Variants in TTLL5 observed in about 807,000 individuals in gnomAD.
The protein encoded by TTLL5 is tubulin tyrosine ligase like 5.
TTLL5 carries 132 observed loss-of-function variants against 168.4 expected under a neutral mutation model. The ratio of observed to expected loss-of-function variants is 0.78; its 90% CI spans 0.68 to 0.91. The LOEUF (loss-of-function observed/expected upper bound fraction) is 0.91, where lower values mean the gene tolerates loss of function less well. Ranked by LOEUF, TTLL5 falls within the 40% of genes least tolerant of loss-of-function variation. TTLL5 has a pLI of 0.00. For synonymous variants in TTLL5, 546 were observed against 558.6 expected (o/e 0.98, Z 0.32); for missense variants, 1,545 against 1,581.5 (o/e 0.98, Z 0.39).
intron 27 of TTLL5, among the ~76,000 whole-genome samples, chr14:75,799,959 T>C (rs1893193749): frequency 6.6e-6 from 1 of 152,240 alleles, no homozygotes; most frequent in Admixed American, 6.5e-5. Context: ...ATTATCTTTT[T>C]GCGATGAATT....
chr14:75,912,634 G>T (rs999226276), intron 31 of TTLL5, among the ~76,000 whole-genome samples: 1 of 152,132 alleles, frequency 6.6e-6, no homozygotes, highest in Non-Finnish European at 1.5e-5. Flanking sequence ...TGATAAATTG[G>T]AGTATATAGT....
At chr14:75,781,980 A>G (rs919598666) in intron 24 of TTLL5, among the ~76,000 whole-genome samples, 1 of 132,324 alleles carries the variant, frequency 7.6e-6, no homozygotes, top group South Asian at 2.4e-4. Flanking sequence ...AAAAAAAAAA[A>G]GCTGAGGAGT....
intron 26 of TTLL5, among the ~76,000 whole-genome samples, chr14:75,783,731 TTC>T (rs1198808183): frequency 1.3e-5 from 2 of 152,200 alleles, no homozygotes; most frequent in African/African-American, 4.8e-5. Context: ...GAAACAGGAC[TTC>T]TTTTAGGTAC....
intron 3 of TTLL5, among the ~76,000 whole-genome samples, chr14:75,677,979 A>G (rs1007746006): frequency 2.6e-5 from 4 of 151,258 alleles, no homozygotes; most frequent in African/African-American, 7.3e-5. Flanking sequence ...ACTGTTCTCT[A>G]TTTTCTCACA....
At chr14:75,809,811 A>G (rs1445092324) in intron 27 of TTLL5, among the ~76,000 whole-genome samples, 1 of 152,140 alleles carries the variant, frequency 6.6e-6, no homozygotes, top group Non-Finnish European at 1.5e-5. Context: ...GAGTGAGAAC[A>G]TGCAATTTTT....
In TTLL5 at chr14:75,890,715, T is replaced by C. The variant is rs560150683; in HGVS notation, c.3740+7813T>C. Among the ~76,000 whole-genome samples the C allele has an allele frequency of 1.4e-4, 22 of 152,176 alleles. No homozygotes were observed. In the East Asian group the frequency reaches 4.2e-3, roughly 29 times the overall value. On this transcript the variant is annotated intron_variant, in intron 30 of 31. Transcript: ENST00000298832. ...TTCAAACTATTTTTCTGAAATCTTT[T>C]TTGTTTTTGTTTTTGTTTTTTTGAG...
intron 7 of TTLL5, among the ~76,000 whole-genome samples, chr14:75,702,610 G>A (rs1594894893): frequency 6.6e-6 from 1 of 152,074 alleles, no homozygotes; most frequent in Admixed American, 6.5e-5. Context: ...TGGTGGAGCC[G>A]AGAACCCTGC....
chr14:75,896,877 A>G (rs1189071918), intron 30 of TTLL5, among the ~76,000 whole-genome samples: 3 of 152,194 alleles, frequency 2.0e-5, no homozygotes, highest in Non-Finnish European at 4.4e-5. Context: ...ACTGGGTTTT[A>G]TGTATAAATA....
intron 3 of TTLL5, 22 bp from the exon 4 acceptor site, chr14:75,681,523 A>G (rs1884610592): frequency 2.5e-6 from 4 of 1,607,284 alleles, no homozygotes; most frequent in Non-Finnish European, 3.4e-6. Context: ...TAGTTACTGA[A>G]CTTGATTCTG....
intron 3 of TTLL5, among the ~76,000 whole-genome samples, chr14:75,672,757 C>A (rs150336759): frequency 0.014 from 2,195 of 152,098 alleles, 46 homozygotes; most frequent in African/African-American, 0.05. Flanking sequence ...AGGTATTTGT[C>A]CATTTTATTT....
intron 3 of TTLL5, among the ~76,000 whole-genome samples, chr14:75,670,332 CTG>C (rs932158370): frequency 1.3e-5 from 2 of 152,150 alleles, no homozygotes; most frequent in African/African-American, 2.4e-5. Context: ...GCATAATCCA[CTG>C]TGTCTGGCCT....
intron 18 of TTLL5, among the ~76,000 whole-genome samples, chr14:75,758,692 A>G: frequency 6.6e-6 from 1 of 152,176 alleles, no homozygotes; most frequent in East Asian, 1.9e-4. Context: ...AAGGATTAAA[A>G]TGATACAGAG....
intron 31 of TTLL5, among the ~76,000 whole-genome samples, chr14:75,911,749 G>A (rs1040982592): frequency 6.6e-6 from 1 of 152,186 alleles, no homozygotes; most frequent in Non-Finnish European, 1.5e-5. Context: ...TTTTTAATCA[G>A]ATACTGGAAT....
chr14:75,737,568 T>C (rs1333456795), intron 15 of TTLL5: 1 of 1,535,670 alleles, frequency 6.5e-7, no homozygotes, highest in South Asian at 1.2e-5. Flanking sequence ...TTTTATAGCG[T>C]CCAGTATCTG....
chr14:75,755,887 C>T (rs904407198), intron 18 of TTLL5, among the ~76,000 whole-genome samples: 8 of 152,156 alleles, frequency 5.3e-5, no homozygotes, highest in East Asian at 1.9e-4. Flanking sequence ...GACTCCTCCC[C>T]GACCTACCCA....
intron 28 of TTLL5, among the ~76,000 whole-genome samples, chr14:75,850,224 T>C (rs997685140): frequency 4.6e-5 from 7 of 151,588 alleles, no homozygotes; most frequent in Middle Eastern, 3.5e-3. Flanking sequence ...CTGACCAAAA[T>C]GGAGAAACCC....
At chr14:75,840,228 C>T (rs975604661) in intron 28 of TTLL5, among the ~76,000 whole-genome samples, 1 of 152,148 alleles carries the variant, frequency 6.6e-6, no homozygotes, top group East Asian at 1.9e-4. Context: ...CAGACACAGT[C>T]ATTTTTTATA....
At chr14:75,768,120 T>G (rs1455736980) in intron 20 of TTLL5, among the ~76,000 whole-genome samples, 2 of 152,190 alleles carry the variant, frequency 1.3e-5, no homozygotes, top group Non-Finnish European at 2.9e-5. Context: ...ATGGATAAGA[T>G]TGTTCACAAA....
chr14:75,773,957 A>AGAGAGAGAGAGAG (rs1891536422), intron 21 of TTLL5, among the ~76,000 whole-genome samples: 5 of 43,326 alleles, frequency 1.2e-4, no homozygotes, highest in African/African-American at 1.6e-4. Flanking sequence ...GAGAGAGAGA[A>AGAGAGAGAGAGAG]AGAGAGAGAG....
Sources: gnomAD v4.1 joint callset for allele counts (sites outside exome capture counted in the v4.1 genomes callset) on GRCh38, gnomAD v4.1.1 for gene constraint, MANE v1.5 for transcripts, NCBI Gene and HGNC (gene_info 2026-07-23, HGNC 2026-07-21) for gene names.